The following TCF12 variants were observed in gnomAD, a reference collection of about 807,000 sequenced individuals.
TCF12 encodes the protein DNA-binding protein HTF4.
A neutral mutation model predicts 86.0 loss-of-function variants in TCF12; 45 were observed. The observed-to-expected ratio is 0.52, with a 90% CI of 0.41 to 0.67. TCF12 has a LOEUF of 0.67. Ranked by LOEUF, TCF12 falls within the 30% of genes least tolerant of loss-of-function variation. The pLI is 0.00. For missense variants in TCF12, 881 were observed against 859.9 expected (o/e 1.02, Z -0.31); for synonymous variants, 330 against 299.6 (o/e 1.10, Z -1.05).
intron 5 of TCF12, among the ~76,000 whole-genome samples, chr15:57,096,262 A>T (rs1305036663): frequency 6.6e-6 from 1 of 152,220 alleles, no homozygotes; most frequent in East Asian, 1.9e-4. Context: ...GAAAAAAGAA[A>T]AAGCTGATTT....
At chr15:57,018,721 A>G (rs905236046) in intron 3 of TCF12, among the ~76,000 whole-genome samples, 31 of 152,254 alleles carry the variant, frequency 2.0e-4, no homozygotes, top group African/African-American at 7.0e-4. Context: ...GATTACAGGC[A>G]TGAGCCACTG....
intron 4 of TCF12, among the ~76,000 whole-genome samples, chr15:57,075,843 CTT>C (rs1383766582): frequency 5.5e-5 from 3 of 54,506 alleles, no homozygotes; most frequent in Admixed American, 4.0e-4. Flanking sequence ...TCTTTTCTTT[CTT>C]TCTTTCTTTC....
chr15:57,154,939 T>C (rs1172568370), intron 5 of TCF12, among the ~76,000 whole-genome samples: 1 of 152,204 alleles, frequency 6.6e-6, no homozygotes, highest in Non-Finnish European at 1.5e-5. Flanking sequence ...AAAATTTAAT[T>C]ACCCCTTGTT....
intron 3 of TCF12, among the ~76,000 whole-genome samples, chr15:56,973,628 T>C (rs2062453608): frequency 6.6e-6 from 1 of 152,140 alleles, no homozygotes; most frequent in Non-Finnish European, 1.5e-5. Context: ...ATGCATTGGT[T>C]AGTAATTGAT....
intron 3 of TCF12, among the ~76,000 whole-genome samples, chr15:57,039,597 A>G (rs748278190): frequency 7.9e-5 from 12 of 151,808 alleles, no homozygotes; most frequent in Non-Finnish European, 1.6e-4. Context: ...TCATAGCTTC[A>G]GCTTTTGTTT....
At chr15:57,144,674 C>T (rs1422976803) in intron 5 of TCF12, among the ~76,000 whole-genome samples, 1 of 152,314 alleles carries the variant, frequency 6.6e-6, no homozygotes, top group Non-Finnish European at 1.5e-5. Flanking sequence ...GCTCAGCTCA[C>T]TGCAACCTCC....
At chr15:57,075,960 T>C (rs1326260560) in intron 4 of TCF12, among the ~76,000 whole-genome samples, 1 of 150,412 alleles carries the variant, frequency 6.6e-6, no homozygotes, top group Non-Finnish European at 1.5e-5. Flanking sequence ...AACCCCTGGG[T>C]TCAGGTGATC....
At chr15:56,967,758 G>A (rs955121882) in intron 3 of TCF12, among the ~76,000 whole-genome samples, 2 of 152,178 alleles carry the variant, frequency 1.3e-5, no homozygotes, top group African/African-American at 4.8e-5. Flanking sequence ...ACAAATTGAA[G>A]ATCAAGTATC....
intron 3 of TCF12, among the ~76,000 whole-genome samples, chr15:57,019,868 C>G (rs1380354542): frequency 2.0e-5 from 3 of 151,982 alleles, no homozygotes; most frequent in Admixed American, 1.3e-4. Context: ...TAATTCTAAC[C>G]TTGTGACCTT....
chr15:56,972,114 A>T (rs1211749005), intron 3 of TCF12, among the ~76,000 whole-genome samples: 2 of 152,212 alleles, frequency 1.3e-5, no homozygotes, highest in African/African-American at 4.8e-5. Context: ...GAAGTGAGTT[A>T]CCTATGCTTA....
intron 5 of TCF12, among the ~76,000 whole-genome samples, chr15:57,106,190 A>G (rs1296615565): frequency 6.6e-6 from 1 of 152,234 alleles, no homozygotes; most frequent in African/African-American, 2.4e-5. Flanking sequence ...GCAATGTGGT[A>G]TCTTGGATTG....
intron 3 of TCF12, among the ~76,000 whole-genome samples, chr15:57,052,834 C>T (rs1938922355): frequency 6.6e-6 from 1 of 152,120 alleles, no homozygotes; most frequent in African/African-American, 2.4e-5. Context: ...AGATAGTGCT[C>T]ATGTAAACAG....
chr15:56,954,298 T>A (rs1298441607), intron 3 of TCF12, among the ~76,000 whole-genome samples: 5 of 152,180 alleles, frequency 3.3e-5, no homozygotes, highest in African/African-American at 1.2e-4. Flanking sequence ...TTGACAAACC[T>A]GACAAAAACA....
At chr15:57,131,894 C>G (rs2052153816) in intron 5 of TCF12, among the ~76,000 whole-genome samples, 2 of 152,124 alleles carry the variant, frequency 1.3e-5, no homozygotes, top group Non-Finnish European at 1.5e-5. Context: ...TTCTTCTAGT[C>G]TAAGATTTGG....
intron 8 of TCF12, among the ~76,000 whole-genome samples, chr15:57,220,171 C>G (rs1021334105): frequency 6.6e-6 from 1 of 152,116 alleles, no homozygotes; most frequent in Non-Finnish European, 1.5e-5. Context: ...GATATCTTTA[C>G]TAGCAATGAG....
intron 3 of TCF12, among the ~76,000 whole-genome samples, chr15:57,062,007 AG>A (rs1206268753): frequency 4.0e-5 from 6 of 151,822 alleles, no homozygotes; most frequent in African/African-American, 1.2e-4. Context: ...CCCAGGCTGG[AG>A]TGCAGTGGCA....
chr15:57,280,126 G>T (rs1206890235), intron 19 of TCF12, among the ~76,000 whole-genome samples: 3 of 151,982 alleles, frequency 2.0e-5, no homozygotes, highest in Non-Finnish European at 4.4e-5. Flanking sequence ...TTGACCTCAG[G>T]TGATCCGCCT....
At chr15:56,925,309 A>G (rs1011353650) in intron 3 of TCF12, among the ~76,000 whole-genome samples, 21 of 136,178 alleles carry the variant, frequency 1.5e-4, no homozygotes, top group Admixed American at 7.8e-4. Context: ...ATTTGATTAG[A>G]TCACAACATT....
chr15:57,078,605 A>T lies in TCF12; in HGVS notation c.223-13184A>T, dbSNP rs566816570. On this transcript the variant is annotated intron_variant, in intron 4 of 20. Coordinates refer to ENST00000333725, the MANE Select transcript of TCF12 (RefSeq NM_207037.2). ...TACACATATATACATATGCATTATC[A>T]CACTTCCATATGCATATTTTAATTT... Among the ~76,000 whole-genome samples, 3 of 151,734 alleles carry T rather than the reference A, an allele frequency of 2.0e-5. No individual in the cohort carries two copies. In the South Asian group the frequency reaches 6.2e-4, roughly 31 times the overall value.
Sources: gnomAD v4.1 joint callset for allele counts (sites outside exome capture counted in the v4.1 genomes callset) on GRCh38, gnomAD v4.1.1 for gene constraint, MANE v1.5 for transcripts, NCBI Gene and HGNC (gene_info 2026-07-23, HGNC 2026-07-21) for gene names.